SCHIP1: variants seen among roughly 807,000 people sequenced by gnomAD.
SCHIP1 encodes the protein schwannomin-interacting protein 1.
Under a neutral mutation model 29.7 loss-of-function variants are expected in SCHIP1, and 8 were observed. The ratio of observed to expected loss-of-function variants is 0.27; its 90% CI spans 0.16 to 0.49. The LOEUF (loss-of-function observed/expected upper bound fraction) is 0.49, where lower values mean the gene tolerates loss of function less well. SCHIP1 is among the 20% of genes least tolerant of loss of function. SCHIP1 has a pLI of 0.99. For missense variants in SCHIP1, 193 were observed against 294.6 expected (o/e 0.66, Z 2.52); for synonymous variants, 76 against 94.9 (o/e 0.80, Z 1.16).
chr3:159,345,548 CTCTCTT>C, the SCHIP1 span, among the ~76,000 whole-genome samples: 2,074 of 138,734 alleles, frequency 0.015, 25 homozygotes, highest in South Asian at 0.036. Flanking sequence ...ACAGCAGTGT[CTCTCTT>C]TCTCTCTCTC....
the SCHIP1 span, among the ~76,000 whole-genome samples, chr3:159,460,233 T>C: frequency 7.2e-5 from 11 of 152,206 alleles, no homozygotes; most frequent in Non-Finnish European, 1.6e-4. Context: ...GAACAGTTGC[T>C]GTGGCTTAGG....
chr3:159,695,626 C>T, the SCHIP1 span, among the ~76,000 whole-genome samples: 1 of 152,086 alleles, frequency 6.6e-6, no homozygotes, highest in African/African-American at 2.4e-5. Context: ...TACAATAAAT[C>T]CATTTGGGAC....
chr3:159,452,389 G>A, the SCHIP1 span, among the ~76,000 whole-genome samples: 1 of 152,166 alleles, frequency 6.6e-6, no homozygotes, highest in Non-Finnish European at 1.5e-5. Flanking sequence ...TTATAAGTGA[G>A]AACATGCAGT....
chr3:159,776,176 C>T, the SCHIP1 span, among the ~76,000 whole-genome samples: 1 of 152,152 alleles, frequency 6.6e-6, no homozygotes, highest in Non-Finnish European at 1.5e-5. Flanking sequence ...AATTCAGTCT[C>T]CTGTTTTTCT....
At chr3:159,674,598 T>TTA in the SCHIP1 span, among the ~76,000 whole-genome samples, 2 of 53,974 alleles carry the variant, frequency 3.7e-5, no homozygotes, top group African/African-American at 1.5e-4. Flanking sequence ...GGGTCAGGAT[T>TTA]AAAAAAAAAA....
the SCHIP1 span, among the ~76,000 whole-genome samples, chr3:159,734,373 C>T: frequency 3.3e-5 from 5 of 151,910 alleles, no homozygotes; most frequent in Non-Finnish European, 5.9e-5. Context: ...AACTCCTGTC[C>T]TCATGATCCG....
chr3:159,702,014 C>T, the SCHIP1 span, among the ~76,000 whole-genome samples: 4 of 152,160 alleles, frequency 2.6e-5, no homozygotes, highest in Admixed American at 6.5e-5. Context: ...TACAAATCTA[C>T]ACTTTTGAGG....
intron 2 of SCHIP1, 108 bp downstream of exon 3, chr3:159,866,389 CT>C: frequency 9.7e-7 from 1 of 1,032,238 alleles, no homozygotes. Context: ...TTTTTTCCCC[CT>C]CGCATAATAC....
chr3:159,712,455 GCCTGTAATC>G, the SCHIP1 span, among the ~76,000 whole-genome samples: 1 of 152,168 alleles, frequency 6.6e-6, no homozygotes, highest in African/African-American at 2.4e-5. Flanking sequence ...GGTGGCTCAT[GCCTGTAATC>G]CCAACAGTTT....
the SCHIP1 span, among the ~76,000 whole-genome samples, chr3:159,693,382 C>T: frequency 3.3e-5 from 5 of 152,088 alleles, no homozygotes; most frequent in Non-Finnish European, 7.4e-5. Context: ...ATGAAATCTG[C>T]CAACTTTATA....
the SCHIP1 span, among the ~76,000 whole-genome samples, chr3:159,611,700 C>T: frequency 5.9e-5 from 9 of 152,152 alleles, no homozygotes; most frequent in Non-Finnish European, 4.4e-5. Flanking sequence ...AAAAAAAGAG[C>T]TCTGCCATTA....
At chr3:159,857,780 G>A (rs1056658509) in intron 1 of SCHIP1, among the ~76,000 whole-genome samples, 6 of 152,078 alleles carry the variant, frequency 3.9e-5, no homozygotes, top group African/African-American at 7.2e-5. Flanking sequence ...CAGGCACTGC[G>A]CCAAGCACTT....
chr3:159,285,841 G>A, the SCHIP1 span, among the ~76,000 whole-genome samples: 4 of 151,872 alleles, frequency 2.6e-5, no homozygotes, highest in Non-Finnish European at 5.9e-5. Context: ...CCTAGCATTG[G>A]GAGTACAATA....
At chr3:159,384,398 T>G in the SCHIP1 span, among the ~76,000 whole-genome samples, 127,845 of 151,278 alleles carry the variant, frequency 0.85, 54,689 homozygotes, top group African/African-American at 0.96. Context: ...TCTGTTTATA[T>G]GCTGGATTAT....
chr3:159,295,317 T>C, the SCHIP1 span, among the ~76,000 whole-genome samples: 5 of 143,976 alleles, frequency 3.5e-5, no homozygotes, highest in Admixed American at 2.1e-4. Flanking sequence ...TAGTCCCAGC[T>C]ACTCAGGAGG....
chr3:159,851,808 G>A (rs1712681491), intron 1 of SCHIP1, among the ~76,000 whole-genome samples: 1 of 152,228 alleles, frequency 6.6e-6, no homozygotes, highest in Admixed American at 6.5e-5. Flanking sequence ...ACCCCCATCT[G>A]GAGTGAGGGT....
chr3:159,500,284 AG>A, the SCHIP1 span, among the ~76,000 whole-genome samples: 1 of 152,160 alleles, frequency 6.6e-6, no homozygotes, highest in African/African-American at 2.4e-5. Flanking sequence ...GATACGTGCC[AG>A]GGCATTTCAA....
At chr3:159,467,497 TAA>T in the SCHIP1 span, among the ~76,000 whole-genome samples, 4 of 144,790 alleles carry the variant, frequency 2.8e-5, no homozygotes, top group African/African-American at 7.6e-5. Context: ...TTAGAAGACT[TAA>T]AAAAAAAAAT....
the SCHIP1 span, among the ~76,000 whole-genome samples, chr3:159,773,850 T>C: frequency 2.0e-5 from 3 of 152,224 alleles, no homozygotes; most frequent in Non-Finnish European, 1.5e-5. Context: ...TTTTGTTCTA[T>C]CTAAAGAGTA....
Sources: allele counts gnomAD v4.1 joint callset (sites outside exome capture counted in the v4.1 genomes callset), GRCh38; gene constraint gnomAD v4.1.1; transcripts MANE v1.5; gene names NCBI Gene and HGNC (gene_info 2026-07-23, HGNC 2026-07-21).